DAW1: variants seen among roughly 807,000 people sequenced by gnomAD.
DAW1 encodes the protein dynein assembly factor with WD repeats 1, also known as dynein assembly factor with WD repeat domains 1.
DAW1 carries 47 observed loss-of-function variants against 56.5 expected under a neutral mutation model. The ratio of observed to expected loss-of-function variants is 0.83; its 90% CI spans 0.66 to 1.06. The LOEUF (loss-of-function observed/expected upper bound fraction) is 1.06. DAW1 is among the 50% of genes least tolerant of loss of function. The pLI is 0.00. For synonymous variants in DAW1, 190 were observed against 179.0 expected, an observed-to-expected ratio of 1.06 and a Z score of -0.49; for missense variants, 505 against 499.3, an observed-to-expected ratio of 1.01 and a Z score of -0.11.
At chr2:227,905,392 A>G (rs559552637) in intron 8 of DAW1, among the ~76,000 whole-genome samples, 2 of 152,340 alleles carry the variant, frequency 1.3e-5, no homozygotes, top group South Asian at 2.1e-4. Flanking sequence ...TCCCAAATTA[A>G]TTTAGTCCAA....
intron 10 of DAW1, chr2:227,912,103 T>A: frequency 2.8e-6 from 1 of 355,610 alleles, no homozygotes; most frequent in Non-Finnish European, 5.5e-6. Flanking sequence ...TTCTATGCCA[T>A]ACCATACCAT....
Position 227,915,941 on chromosome 2 carries a change from A to G in DAW1, c.974-2839A>G, listed in dbSNP as rs535687908. 2.6e-5 allele frequency among the ~76,000 whole-genome samples: 4 copies of G among 152,246 alleles called. No individual in the cohort carries two copies. The East Asian group carries it at 7.7e-4, about 29-fold the overall frequency. ...ATTTAGGACAATTTATAATGCTACA[A>G]TGTTTGTGCCATCACCTTGAAAGTT... is the stretch of plus-strand genomic sequence containing the variant. On this transcript the variant is annotated intron_variant, in intron 10 of 12. Coordinates refer to ENST00000309931, the MANE Select transcript of DAW1 (RefSeq NM_178821.3).
chr2:227,889,961 A>G lies in DAW1; in HGVS notation c.219A>G (p.Lys73=). The change falls in exon 3 of 13, where the codon AAA becomes AAG. Residue 73 remains lysine (K), a synonymous_variant. Transcript: ENST00000309931. ...VKLLIQRLQE[K]LGQNSNHTFY... ...TTTTGATACAGAGGTTGCAAGAGAA[A>G]CTCGGCCAGAACAGCAATCACACGT... 4 of 1,601,830 alleles carry G rather than the reference A, an allele frequency of 2.5e-6. No homozygotes were observed. Among genetic ancestry groups the G allele is most frequent in the Non-Finnish European group, 3.4e-6 (4 of 1,175,248 alleles).
chr2:227,902,733 G>A (rs1000669673), intron 6 of DAW1, among the ~76,000 whole-genome samples: 1 of 152,156 alleles, frequency 6.6e-6, no homozygotes, highest in Non-Finnish European at 1.5e-5. Context: ...CTTCACTTTT[G>A]TTCTTGTTCT....
At chr2:227,898,141 G>A (rs1350378126) in intron 5 of DAW1, 41 bp from the exon 6 acceptor site, 1 of 1,367,992 alleles carries the variant, frequency 7.3e-7, no homozygotes, top group Non-Finnish European at 1.0e-6. Flanking sequence ...ATTATATAAT[G>A]TGTCTTTTTT....
intron 2 of DAW1, chr2:227,889,642 A>G (rs756569121): frequency 7.9e-6 from 3 of 378,946 alleles, no homozygotes; most frequent in Non-Finnish European, 1.4e-5. Context: ...TATGTTGTAG[A>G]AAATCCAAGC....
At chr2:227,909,028 A>G (rs926244830) in intron 10 of DAW1, among the ~76,000 whole-genome samples, 1 of 152,064 alleles carries the variant, frequency 6.6e-6, no homozygotes, top group Non-Finnish European at 1.5e-5. Context: ...TTTAATTTAC[A>G]CTGTTTTTAT....
At chr2:227,896,562 A>T (rs1325132254) in intron 5 of DAW1, among the ~76,000 whole-genome samples, 1 of 151,270 alleles carries the variant, frequency 6.6e-6, no homozygotes, top group African/African-American at 2.4e-5. Context: ...CAGTAGCATA[A>T]ATTCAACACA....
At chr2:227,916,945 G>A (rs1160947981) in intron 10 of DAW1, among the ~76,000 whole-genome samples, 1 of 152,020 alleles carries the variant, frequency 6.6e-6, no homozygotes. Context: ...CCATAATTCT[G>A]ACCTATGTCT....
chr2:227,902,989 T>G lies in DAW1; in HGVS notation c.541-13T>G, dbSNP rs1691582397. On this transcript the variant is annotated splice_polypyrimidine_tract_variant and intron_variant, in intron 6 of 12. Transcript: ENST00000309931. ...CTGTCTTCCTAAAATTTCTCCCATT[T>G]TATGTAATTTAGGTGTGTTTATCAT... 2.5e-6 allele frequency: 4 copies of G among 1,612,304 alleles called. No homozygotes were observed. The highest frequency in any genetic ancestry group is 3.4e-6 in the Non-Finnish European group (4 of 1,179,392).
At position 227,885,425 on chromosome 2, in the gene DAW1, T is replaced by TA. The variant is rs759707117; in HGVS notation, c.113+4dup. 15 of 1,599,112 alleles carry TA rather than the reference T, an allele frequency of 9.4e-6. No individual in the cohort carries two copies. The South Asian group carries it at 1.6e-4, about 17-fold the overall frequency. On this transcript the variant is annotated splice_region_variant and intron_variant, in intron 2 of 12. Transcript: ENST00000309931. ...AGATTTGCTTGATCTTGGTCCCAGG[T>TA]AAGTAAGCTGTAGGATTCAACAAAT...
intron 6 of DAW1, 34 bp downstream of exon 6, chr2:227,898,315 GTA>G (rs748082099): frequency 6.5e-4 from 688 of 1,055,150 alleles, no homozygotes; most frequent in East Asian, 1.2e-3. Flanking sequence ...ATTATTTTAT[GTA>G]TATATATATA....
At chr2:227,912,749 C>A (rs1451727092) in intron 10 of DAW1, among the ~76,000 whole-genome samples, 3 of 152,254 alleles carry the variant, frequency 2.0e-5, no homozygotes, top group African/African-American at 7.2e-5. Context: ...TGGGTTATCT[C>A]CTTGATGATC....
At chr2:227,878,336 T>C (rs1039331830) in intron 1 of DAW1, among the ~76,000 whole-genome samples, 2 of 152,228 alleles carry the variant, frequency 1.3e-5, no homozygotes, top group Non-Finnish European at 2.9e-5. Flanking sequence ...ACACCTTGCA[T>C]TGATACAGAA....
chr2:227,914,199 G>A (rs1691897536), intron 10 of DAW1, among the ~76,000 whole-genome samples: 1 of 151,930 alleles, frequency 6.6e-6, no homozygotes, highest in South Asian at 2.1e-4. Context: ...GTGCTATACT[G>A]TGTCTTCATC....
At chr2:227,915,474 G>A (rs988109498) in intron 10 of DAW1, among the ~76,000 whole-genome samples, 5 of 152,142 alleles carry the variant, frequency 3.3e-5, no homozygotes, top group Admixed American at 6.5e-5. Context: ...GATGCTGGAA[G>A]ATGTCTGCAT....
chr2:227,911,403 G>A (rs1401047363), intron 10 of DAW1, among the ~76,000 whole-genome samples: 1 of 144,848 alleles, frequency 6.9e-6, no homozygotes, highest in Non-Finnish European at 1.5e-5. Flanking sequence ...TACATTCTGA[G>A]ATATTGTGAA....
intron 1 of DAW1, 65 bp from the exon 2 acceptor site, chr2:227,885,286 T>TA (rs1691097109): frequency 9.7e-6 from 11 of 1,136,096 alleles, no homozygotes; most frequent in South Asian, 5.6e-5. Flanking sequence ...TGTGGCAAGG[T>TA]AGGTTAACTT....
chr2:227,924,281 T>C lies in DAW1; in HGVS notation c.*313T>C, dbSNP rs1692174327. On this transcript the variant is annotated 3_prime_UTR_variant, in exon 13 of 13. Coordinates refer to ENST00000309931, the MANE Select transcript of DAW1 (RefSeq NM_178821.3). ...GAGACCAGAACAACTTAACAACGTG[T>C]CTCCTGGATTTTACTTTGAAGCCTA... The C allele has an allele frequency of 2.9e-6, 1 of 339,340 alleles. No individual in the cohort carries two copies. Among genetic ancestry groups the C allele is most frequent in the Admixed American group, 4.2e-5 (1 of 23,776 alleles). The allele number at this position is 339,340 out of a possible 1,614,324, so 21.0% of individuals were successfully genotyped here.
Sources: allele counts gnomAD v4.1 joint callset (sites outside exome capture counted in the v4.1 genomes callset), GRCh38; gene constraint gnomAD v4.1.1; transcripts MANE v1.5; gene names NCBI Gene and HGNC (gene_info 2026-07-23, HGNC 2026-07-21).